The following HERC1 variants were observed in gnomAD, a reference collection of about 807,000 sequenced individuals.
HERC1 encodes the protein HECT and RLD domain containing E3 ubiquitin protein ligase family member 1.
In HERC1, 160 loss-of-function variants were observed where a neutral mutation model predicts 554.3. The observed-to-expected ratio is 0.29, with a 90% confidence interval of 0.25 to 0.33. The LOEUF (loss-of-function observed/expected upper bound fraction) is 0.33. HERC1 is among the 10% of genes least tolerant of loss of function. HERC1 has a pLI of 1.00. For missense variants in HERC1, 4,919 were observed against 5,918.5 expected, an observed-to-expected ratio of 0.83 and a Z score of 5.54; for synonymous variants, 2,175 against 2,131.7, an observed-to-expected ratio of 1.02 and a Z score of -0.56.
chr15:63,631,462 C>G (rs1281280206), intron 68 of HERC1, among the ~76,000 whole-genome samples: 11 of 152,218 alleles, frequency 7.2e-5, no homozygotes. Context: ...TCCTGCCTCT[C>G]AGAGACTGCA....
chr15:63,649,061 C>T (rs577529453), intron 54 of HERC1, among the ~76,000 whole-genome samples: 25 of 152,262 alleles, frequency 1.6e-4, no homozygotes, highest in South Asian at 4.1e-4. Context: ...TTTTAAAAGA[C>T]AATTTCATCT....
intron 53 of HERC1, among the ~76,000 whole-genome samples, chr15:63,650,483 T>A (rs973174701): frequency 3.3e-5 from 5 of 151,776 alleles, no homozygotes; most frequent in Non-Finnish European, 4.4e-5. Flanking sequence ...AATGGCATGA[T>A]CATGGCTCAC....
Position 63,718,407 on chromosome 15 carries a change from A to C in HERC1, c.3978+167T>G, listed in dbSNP as rs1377372072. 2 of 614,036 alleles carry C rather than the reference A, an allele frequency of 3.3e-6. No individual in the cohort carries two copies. The highest frequency in any genetic ancestry group is 2.6e-6 in the Non-Finnish European group (1 of 384,024). The allele number at this position is 614,036 out of a possible 1,614,324, so 38.0% of individuals were successfully genotyped here. A position where few individuals can be genotyped will look rare whatever the true frequency, so the allele number is the denominator to read the frequency against. The stretch of plus-strand genomic sequence containing the variant: ...ACACTTGGTAAATGTGAGGTTAAGT[A>C]AATCTCAAATCTTTTCCTTTTTTTT... On this transcript the variant is annotated intron_variant, in intron 21 of 77. Coordinates refer to ENST00000443617, the MANE Select transcript of HERC1 (RefSeq NM_003922.4). This position sits in a 1 kb window ranked among gnomAD's most constrained non-coding sequence, Gnocchi z 4.2.
At position 63,658,656 on chromosome 15, in the gene HERC1, C is replaced by T; in HGVS notation, c.9487G>A (p.Ala3163Thr). ...ACACGGTCATGAGGGTTTGCTAGGG[C>T]AGCTGCCTGCTCTCCTAACGTTATT... ...GRITLGEQAAALANPHDRVVA... is the reference protein window; with the variant it reads ...GRITLGEQAATLANPHDRVVA... Residue 3163 changes from alanine to threonine, a missense_variant, in exon 48 of 78, where the codon GCC becomes ACC. Physicochemically the swap from Ala to Thr is moderately conservative, Grantham distance 58. Around this residue, in one of 11 missense-constraint regions of HERC1, gnomAD observed 1,963 missense variants for 2,228.6 expected, o/e 0.88. Transcript: ENST00000443617. The T allele has an allele frequency of 6.2e-7, 1 of 1,613,916 alleles. No homozygotes were observed. The highest frequency in any genetic ancestry group is 8.5e-7 in the Non-Finnish European group (1 of 1,179,790).
chr15:63,671,781 C>A (rs965085191), intron 39 of HERC1, among the ~76,000 whole-genome samples: 2 of 152,050 alleles, frequency 1.3e-5, no homozygotes, highest in Non-Finnish European at 2.9e-5. Context: ...CAGTGAAAAT[C>A]GTAATGCCTT....
intron 24 of HERC1, among the ~76,000 whole-genome samples, chr15:63,709,788 T>A (rs1166690028): frequency 6.6e-6 from 1 of 152,160 alleles, no homozygotes; most frequent in Non-Finnish European, 1.5e-5. Flanking sequence ...AATCCTAGAT[T>A]TCTAGTGGGT....
intron 2 of HERC1, among the ~76,000 whole-genome samples, chr15:63,767,404 GATAAACA>G (rs1391100854): frequency 3.3e-5 from 5 of 151,652 alleles, no homozygotes; most frequent in African/African-American, 1.2e-4. Flanking sequence ...CTACTGGGCA[GATAAACA>G]ATAAATAATA....
chr15:63,643,345 A>T, intron 58 of HERC1, 59 bp downstream of exon 58: 1 of 1,426,820 alleles, frequency 7.0e-7, no homozygotes, highest in African/African-American at 1.4e-5. Context: ...TTTTTATCAC[A>T]TGTGTTTAAG....
At chr15:63,743,946 A>G (rs1337879877) in intron 12 of HERC1, among the ~76,000 whole-genome samples, 3 of 151,844 alleles carry the variant, frequency 2.0e-5, no homozygotes, top group African/African-American at 4.8e-5. Context: ...GGCTTTCCAG[A>G]TATTTTAAAG....
At chr15:63,696,780 T>C (rs372901527) in intron 26 of HERC1, among the ~76,000 whole-genome samples, 11 of 152,242 alleles carry the variant, frequency 7.2e-5, no homozygotes, top group South Asian at 4.2e-4. Flanking sequence ...ACTGCTTTCT[T>C]TATTAATAAG....
Position 63,696,747 on chromosome 15 carries a change from C to A in HERC1, c.4906-408G>T, listed in dbSNP as rs545187729. Among the ~76,000 whole-genome samples, 88 of 152,038 alleles carry A rather than the reference C, an allele frequency of 5.8e-4. 1 individual carries two copies. The highest frequency in any genetic ancestry group is 2.0e-3 in the African/African-American group (83 of 41,496). Reference sequence around the variant, plus strand: ...CACAAGGAGATATATGTGAAGGTTTCAAAACTATAAGGTAGTACTGCTACT... The same window carrying A: ...CACAAGGAGATATATGTGAAGGTTTAAAAACTATAAGGTAGTACTGCTACT... On this transcript the variant is annotated intron_variant, in intron 26 of 77. Coordinates refer to ENST00000443617, the MANE Select transcript of HERC1 (RefSeq NM_003922.4).
chr15:63,641,805 A>G (rs1429684301), intron 59 of HERC1, among the ~76,000 whole-genome samples, 162 bp from the exon 60 acceptor site: 3 of 152,180 alleles, frequency 2.0e-5, no homozygotes, highest in Non-Finnish European at 4.4e-5. Context: ...GGAACTTCAA[A>G]ATATCCTAAA....
chr15:63,718,683 C>A lies in HERC1; in HGVS notation c.3869G>T (p.Gly1290Val), dbSNP rs750074156. ...QACGESRYQPGKHLSEVYRCV... is the reference protein window; with the variant it reads ...QACGESRYQPVKHLSEVYRCV... ...ACGGTACACTTCTGATAAGTGTTTA[C>A]CAGGTTGATATCTAAATGAAGAACC... Residue 1290 changes from glycine (G) to valine (V), a missense_variant, in exon 21 of 78, where the codon GGT (glycine) becomes GTT (valine). Transcript: ENST00000443617. The surrounding 1 kb of genome is among the most constrained non-coding windows in gnomAD (Gnocchi z 4.2). The A allele has an allele frequency of 2.5e-6, 4 of 1,602,744 alleles. No homozygotes were observed. Among genetic ancestry groups the A allele is most frequent in the Non-Finnish European group, 3.4e-6 (4 of 1,172,294 alleles).
intron 1 of HERC1, among the ~76,000 whole-genome samples, chr15:63,788,253 T>A (rs1006481293): frequency 1.3e-5 from 2 of 152,180 alleles, no homozygotes; most frequent in Admixed American, 6.5e-5. Flanking sequence ...TAACACAGCA[T>A]CTGATACCTA....
At position 63,749,785 on chromosome 15, in the gene HERC1, C is replaced by A; in HGVS notation, c.1909G>T (p.Ala637Ser). ...LALTSTGQVY[A>S]WGCGACLGCG... ...CCTAGACAAGCTCCACAGCCCCAAG[C>A]ATAGACCTGAAAAAAACAGAAATAC... Residue 637 changes from alanine to serine, a missense_variant, in exon 9 of 78, where the codon GCT (alanine) becomes TCT (serine). Ala to Ser is a moderately conservative substitution (Grantham distance 99, BLOSUM62 1). Coordinates refer to ENST00000443617, the MANE Select transcript of HERC1 (RefSeq NM_003922.4). The surrounding 1 kb of genome is among the most constrained non-coding windows in gnomAD (Gnocchi z 4.1). 1 of 1,554,794 alleles carries A rather than the reference C, an allele frequency of 6.4e-7. No homozygotes were observed. The highest frequency in any genetic ancestry group is 8.7e-7 in the Non-Finnish European group (1 of 1,151,884).
rs759913876 is a variant in HERC1 at position 63,638,474 on chromosome 15, C to T, written c.12030G>A (p.Leu4010=). Residue 4010 remains leucine (L), a synonymous_variant, in exon 63 of 78, where the codon CTG becomes CTA. Transcript: ENST00000443617. ...YLWGAGRHGQ[L]AEAGRNVMVP... ...CCATTACATTTCTTCCAGCTTCTGC[C>T]AGCTGTCCATGCCTACCAGCACCCC... 2.5e-6 allele frequency: 4 copies of T among 1,613,738 alleles called. No individual in the cohort carries two copies. The highest frequency in any genetic ancestry group is 3.4e-6 in the Non-Finnish European group (4 of 1,179,826).
chr15:63,645,066 G>A lies in HERC1; in HGVS notation c.11110C>T (p.Arg3704Cys), dbSNP rs780339168. 41 of 1,613,544 alleles carry A rather than the reference G, an allele frequency of 2.5e-5. No individual in the cohort carries two copies. The highest frequency in any genetic ancestry group is 3.0e-5 in the Non-Finnish European group (35 of 1,179,758). The change falls in exon 57 of 78, where the codon CGC becomes TGC. Residue 3704 changes from arginine (R) to cysteine (C), a missense_variant. Transcript: ENST00000443617. ...GTCTGTGTAGTATCTTGAGGAATGC[G>A]CCAAACACATACTAAGCCACTCTGA... is the stretch of plus-strand genomic sequence containing the variant. ...GCQSGLVCVW[R>C]IPQDTTQTNV...
intron 1 of HERC1, among the ~76,000 whole-genome samples, chr15:63,826,982 CACTT>C (rs2077960615): frequency 6.6e-6 from 1 of 151,636 alleles, no homozygotes; most frequent in Non-Finnish European, 1.5e-5. Context: ...CCAGCAATCA[CACTT>C]ACAGAAATCT....
intron 74 of HERC1, among the ~76,000 whole-genome samples, chr15:63,619,958 T>C (rs913271466): frequency 2.6e-5 from 4 of 152,210 alleles, no homozygotes; most frequent in African/African-American, 4.8e-5. Context: ...CCTGGATTCA[T>C]TGATTTTTTG....
Sources: allele counts gnomAD v4.1 joint callset (sites outside exome capture counted in the v4.1 genomes callset), GRCh38; gene constraint gnomAD v4.1.1; regional missense constraint gnomAD v4.1.1; non-coding constraint Gnocchi (gnomAD v3.1); transcripts MANE v1.5; gene names NCBI Gene and HGNC (gene_info 2026-07-23, HGNC 2026-07-21).